ST6GALNAC5: variants seen among roughly 807,000 people sequenced by gnomAD.
The protein encoded by ST6GALNAC5 is alpha-N-acetylgalactosaminide alpha-2,6-sialyltransferase 5.
Under a neutral mutation model 33.6 loss-of-function variants are expected in ST6GALNAC5, and 27 were observed. The ratio of observed to expected loss-of-function variants is 0.80; its 90% confidence interval spans 0.59 to 1.11. The LOEUF (loss-of-function observed/expected upper bound fraction) is 1.11. ST6GALNAC5 is among the 50% of genes least tolerant of loss of function. The probability of loss-of-function intolerance (pLI) is 0.00; values close to 1 mark genes in which losing one functional copy is unlikely to be tolerated. For synonymous variants in ST6GALNAC5, 194 were observed against 171.2 expected, an observed-to-expected ratio of 1.13 and a Z score of -1.04; for missense variants, 428 against 454.0, an observed-to-expected ratio of 0.94 and a Z score of 0.52.
intron 2 of ST6GALNAC5, among the ~76,000 whole-genome samples, chr1:76,876,156 T>C (rs945387377): frequency 8.5e-5 from 13 of 152,304 alleles, no homozygotes; most frequent in Non-Finnish European, 1.5e-4. Context: ...GCCTTTTCCA[T>C]GATGGAAGAG....
At chr1:76,932,649 G>C (rs1167213063) in intron 2 of ST6GALNAC5, among the ~76,000 whole-genome samples, 1 of 152,052 alleles carries the variant, frequency 6.6e-6, no homozygotes, top group African/African-American at 2.4e-5. Flanking sequence ...AGAGATTTCG[G>C]TTTGTGTCCA....
intron 2 of ST6GALNAC5, among the ~76,000 whole-genome samples, chr1:77,011,407 G>A (rs556170628): frequency 1.3e-5 from 2 of 152,292 alleles, no homozygotes; most frequent in Admixed American, 1.3e-4. Flanking sequence ...TTTGCTGCTA[G>A]GGGACAGAAA....
chr1:77,055,679 GC>G (rs1333488308), intron 4 of ST6GALNAC5, among the ~76,000 whole-genome samples: 3 of 150,640 alleles, frequency 2.0e-5, no homozygotes, highest in Admixed American at 6.6e-5. Flanking sequence ...GCTCTCCTTA[GC>G]CCCCTGTCTG....
intron 2 of ST6GALNAC5, among the ~76,000 whole-genome samples, chr1:76,888,293 A>G (rs1273142): frequency 0.49 from 74,741 of 151,782 alleles, 19,001 homozygotes; most frequent in African/African-American, 0.6. Flanking sequence ...GATGGGGCCT[A>G]ACAGTCAGCA....
intron 2 of ST6GALNAC5, among the ~76,000 whole-genome samples, chr1:76,967,604 G>T (rs1158869229): frequency 6.6e-6 from 1 of 152,120 alleles, no homozygotes; most frequent in Middle Eastern, 3.2e-3. Flanking sequence ...TCTGATCTTA[G>T]TTATTTCCTG....
chr1:76,976,916 T>C (rs933658844), intron 2 of ST6GALNAC5, among the ~76,000 whole-genome samples: 7 of 152,180 alleles, frequency 4.6e-5, no homozygotes, highest in Admixed American at 4.6e-4. Flanking sequence ...TTGATCTCTA[T>C]ACAAATCACC....
chr1:76,867,480 A>T lies in ST6GALNAC5; in HGVS notation c.-196A>T. 2 of 765,386 alleles carry T rather than the reference A, an allele frequency of 2.6e-6. No homozygotes were observed. Among genetic ancestry groups the T allele is most frequent in the Non-Finnish European group, 2.2e-6 (1 of 450,054 alleles). 47.4% of individuals were successfully genotyped at this position (765,386 alleles called of 1,614,324 possible). On this transcript the variant is annotated 5_prime_UTR_variant, in exon 1 of 5. Coordinates refer to ENST00000477717, the MANE Select transcript of ST6GALNAC5 (RefSeq NM_030965.3). Reference sequence around the variant, plus strand: ...CTGAGAGACTACGAGGGTCCGGTTCAGTTTTAATTCTGTCTCTAATCTCTG... The same window carrying T: ...CTGAGAGACTACGAGGGTCCGGTTCTGTTTTAATTCTGTCTCTAATCTCTG...
chr1:76,953,379 A>C (rs573948860), intron 2 of ST6GALNAC5, among the ~76,000 whole-genome samples: 3 of 152,182 alleles, frequency 2.0e-5, no homozygotes, highest in Admixed American at 6.5e-5. Context: ...TCTAATTGCT[A>C]TGTGCTGATA....
At chr1:77,007,813 A>G (rs942958911) in intron 2 of ST6GALNAC5, among the ~76,000 whole-genome samples, 2 of 152,234 alleles carry the variant, frequency 1.3e-5, no homozygotes, top group Non-Finnish European at 2.9e-5. Context: ...CACCAACCTA[A>G]TACAAGACTG....
At chr1:77,011,935 G>A (rs1650651386) in intron 2 of ST6GALNAC5, among the ~76,000 whole-genome samples, 1 of 152,098 alleles carries the variant, frequency 6.6e-6, no homozygotes, top group Admixed American at 6.6e-5. Flanking sequence ...ATGACTTTTT[G>A]AAGGAGGTGG....
At chr1:76,947,810 A>G (rs1647582408) in intron 2 of ST6GALNAC5, among the ~76,000 whole-genome samples, 1 of 152,128 alleles carries the variant, frequency 6.6e-6, no homozygotes, top group South Asian at 2.1e-4. Flanking sequence ...ATGTGGGCAT[A>G]TGTATAACTT....
intron 2 of ST6GALNAC5, among the ~76,000 whole-genome samples, chr1:76,919,365 G>A (rs932252540): frequency 6.6e-6 from 1 of 152,082 alleles, no homozygotes; most frequent in East Asian, 1.9e-4. Context: ...GAATGTGTGC[G>A]CCATTCTTCA....
chr1:76,993,448 T>C (rs1244220498), intron 2 of ST6GALNAC5, among the ~76,000 whole-genome samples: 4 of 152,184 alleles, frequency 2.6e-5, no homozygotes, highest in African/African-American at 9.6e-5. Context: ...CAGTTTCATC[T>C]CTCTCATATG....
chr1:76,879,737 T>A (rs985008386), intron 2 of ST6GALNAC5, among the ~76,000 whole-genome samples: 2 of 152,178 alleles, frequency 1.3e-5, no homozygotes, highest in Non-Finnish European at 2.9e-5. Context: ...AGGGAGGAGA[T>A]GTTGCCACTA....
chr1:77,002,549 C>T (rs1570079819), intron 2 of ST6GALNAC5, among the ~76,000 whole-genome samples: 2 of 149,886 alleles, frequency 1.3e-5, no homozygotes, highest in East Asian at 3.9e-4. Flanking sequence ...AATGTGTTTG[C>T]TCTTGCTTTT....
At chr1:76,948,800 T>C (rs1384430063) in intron 2 of ST6GALNAC5, among the ~76,000 whole-genome samples, 4 of 152,160 alleles carry the variant, frequency 2.6e-5, no homozygotes, top group African/African-American at 9.6e-5. Flanking sequence ...TTAAGCTTTC[T>C]TTCTGAGCCA....
chr1:76,990,466 C>A (rs749999600), intron 2 of ST6GALNAC5, among the ~76,000 whole-genome samples: 2 of 152,110 alleles, frequency 1.3e-5, no homozygotes, highest in Non-Finnish European at 1.5e-5. Flanking sequence ...GTGAAATGTG[C>A]GCCTTCTCAG....
chr1:76,923,405 A>G (rs1366812111), intron 2 of ST6GALNAC5, among the ~76,000 whole-genome samples: 1 of 152,020 alleles, frequency 6.6e-6, no homozygotes, highest in Admixed American at 6.6e-5. Flanking sequence ...TAAAAGGATT[A>G]CCCACAGCCG....
At position 76,916,025 on chromosome 1, in the gene ST6GALNAC5, A is replaced by G. The variant is rs149866166; in HGVS notation, c.261+47283A>G. Among the ~76,000 whole-genome samples the G allele has an allele frequency of 4.9e-3, 748 of 151,690 alleles. 8 individuals carry two copies. Among genetic ancestry groups the G allele is most frequent in the African/African-American group, 0.017 (710 of 41,254 alleles). On this transcript the variant is annotated intron_variant, in intron 2 of 4. Coordinates refer to ENST00000477717, the MANE Select transcript of ST6GALNAC5 (RefSeq NM_030965.3). ...GCCATCTGCATTTTAAAAAAAAAAAACTCATTGAAATACTCCTGTAGAATA... is the reference window on the plus strand; with the variant it reads ...GCCATCTGCATTTTAAAAAAAAAAAGCTCATTGAAATACTCCTGTAGAATA...
Sources: gnomAD v4.1 joint callset for allele counts (sites outside exome capture counted in the v4.1 genomes callset) on GRCh38, gnomAD v4.1.1 for gene constraint, MANE v1.5 for transcripts, NCBI Gene and HGNC (gene_info 2026-07-23, HGNC 2026-07-21) for gene names.